ZSWIM5: variants seen among roughly 807,000 people sequenced by gnomAD.
The protein encoded by ZSWIM5 is zinc finger SWIM domain-containing protein 5.
ZSWIM5 carries 55 observed loss-of-function variants against 119.6 expected under a neutral mutation model. The observed-to-expected ratio is 0.46, with a 90% CI of 0.37 to 0.58. ZSWIM5 has a LOEUF of 0.58. Among genes scored for constraint, ZSWIM5 ranks in the 20% least tolerant of loss-of-function variants. The pLI, the probability that ZSWIM5 is intolerant of heterozygous loss-of-function variation, is 0.00. For synonymous variants in ZSWIM5, 537 were observed against 606.9 expected, an observed-to-expected ratio of 0.88 and a Z score of 1.69; for missense variants, 1,193 against 1,512.8, an observed-to-expected ratio of 0.79 and a Z score of 3.51.
chr1:45,118,239 A>C (rs916686686), intron 1 of ZSWIM5, among the ~76,000 whole-genome samples: 4 of 152,266 alleles, frequency 2.6e-5, no homozygotes, highest in Admixed American at 2.6e-4. Context: ...GACAATCATT[A>C]AGAAATAAAC....
intron 1 of ZSWIM5, among the ~76,000 whole-genome samples, chr1:45,154,891 C>T (rs1477531927): frequency 6.6e-6 from 1 of 151,832 alleles, no homozygotes; most frequent in East Asian, 1.9e-4. Context: ...TAAAAAAATA[C>T]AAAAAACCTC....
In ZSWIM5 at chr1:45,018,989, T is replaced by C. The variant is rs1270405173; in HGVS notation, c.3023A>G (p.Glu1008Gly). 1 of 1,614,128 alleles carries C rather than the reference T, an allele frequency of 6.2e-7. No individual in the cohort carries two copies. Reference sequence around the variant, plus strand: ...GGCACGTAGCGGGTAGCCACGGAGCTCCATGTAGCGGGCGATGGTGAACAG... The same window carrying C: ...GGCACGTAGCGGGTAGCCACGGAGCCCCATGTAGCGGGCGATGGTGAACAG... Reference protein sequence around the residue: ...SQLFTIARYMELRGYPLRAFK... With the variant: ...SQLFTIARYMGLRGYPLRAFK... The change falls in exon 14 of 14, where the codon GAG (glutamate) becomes GGG (glycine). Residue 1008 changes from glutamate (E) to glycine (G), a missense_variant. Coordinates refer to ENST00000359600, the MANE Select transcript of ZSWIM5 (RefSeq NM_020883.2). This position sits in a 1 kb window ranked among gnomAD's most constrained non-coding sequence, Gnocchi z 6.7.
intron 1 of ZSWIM5, among the ~76,000 whole-genome samples, chr1:45,197,660 G>T: frequency 6.6e-6 from 1 of 152,182 alleles, no homozygotes; most frequent in East Asian, 1.9e-4. Flanking sequence ...AAAAGTTTGT[G>T]AAGTTTGTGG....
intron 9 of ZSWIM5, 63 bp downstream of exon 9, chr1:45,035,976 T>C: frequency 6.3e-7 from 1 of 1,583,936 alleles, no homozygotes; most frequent in South Asian, 1.2e-5. Context: ...TGTACTCTAT[T>C]GGAGAGGGGA....
intron 1 of ZSWIM5, among the ~76,000 whole-genome samples, chr1:45,168,291 AGG>A (rs1050722476): frequency 6.1e-4 from 93 of 151,928 alleles, no homozygotes; most frequent in African/African-American, 2.2e-3. Context: ...ACTTGGACAC[AGG>A]GTTGGGAACA....
chr1:45,080,221 C>A (rs923018988), intron 2 of ZSWIM5, among the ~76,000 whole-genome samples: 2 of 152,154 alleles, frequency 1.3e-5, no homozygotes, highest in Admixed American at 1.3e-4. Context: ...GCAGTCCTTG[C>A]GGCCTAGACT....
chr1:45,036,136 G>A lies in ZSWIM5; in HGVS notation c.2058C>T (p.Cys686=). The A allele has an allele frequency of 6.2e-7, 1 of 1,614,054 alleles. No individual in the cohort carries two copies. Among genetic ancestry groups the A allele is most frequent in the Non-Finnish European group, 8.5e-7 (1 of 1,180,018 alleles). The part of the protein sequence containing the change: ...PEGLYAQDKV[C]RNEEQLLSQL... ...GGCTCAGGAGCTGCTCCTCATTACG[G>A]CATACCTTGTCCTGTGCGTAGAGGC... The change falls in exon 9 of 14, where the codon TGC becomes TGT. Residue 686 remains cysteine (C), a synonymous_variant. Coordinates refer to ENST00000359600, the MANE Select transcript of ZSWIM5 (RefSeq NM_020883.2).
chr1:45,142,554 C>T (rs1482908563), intron 1 of ZSWIM5, among the ~76,000 whole-genome samples: 2 of 151,850 alleles, frequency 1.3e-5, no homozygotes, highest in African/African-American at 4.8e-5. Context: ...AGTTTTGCCA[C>T]ATTGCCCAGG....
intron 2 of ZSWIM5, among the ~76,000 whole-genome samples, chr1:45,085,813 G>A (rs1325792528): frequency 6.6e-6 from 1 of 152,122 alleles, no homozygotes; most frequent in Non-Finnish European, 1.5e-5. Flanking sequence ...CAAGTCTCTA[G>A]GAAGCTCCAA....
chr1:45,194,513 A>G (rs1646110616), intron 1 of ZSWIM5, among the ~76,000 whole-genome samples: 1 of 152,094 alleles, frequency 6.6e-6, no homozygotes, highest in African/African-American at 2.4e-5. Flanking sequence ...TACTAATATT[A>G]CCCCTTTGGA....
At chr1:45,129,376 C>G (rs1051151022) in intron 1 of ZSWIM5, among the ~76,000 whole-genome samples, 1 of 151,968 alleles carries the variant, frequency 6.6e-6, no homozygotes, top group African/African-American at 2.4e-5. Flanking sequence ...CCAGGATGGT[C>G]TCGATATCCT....
At chr1:45,144,440 C>T (rs1340121436) in intron 1 of ZSWIM5, among the ~76,000 whole-genome samples, 1 of 151,870 alleles carries the variant, frequency 6.6e-6, no homozygotes, top group Non-Finnish European at 1.5e-5. Flanking sequence ...GAGGTTGAGA[C>T]AGGAGGTTTG....
intron 1 of ZSWIM5, among the ~76,000 whole-genome samples, chr1:45,172,188 G>A (rs1264646858): frequency 6.6e-6 from 1 of 151,968 alleles, no homozygotes; most frequent in Non-Finnish European, 1.5e-5. Flanking sequence ...TCACGGTTGC[G>A]AAACTAAACA....
chr1:45,028,270 T>A (rs1478816789), intron 11 of ZSWIM5, among the ~76,000 whole-genome samples: 1 of 152,248 alleles, frequency 6.6e-6, no homozygotes, highest in African/African-American at 2.4e-5. Flanking sequence ...TAGCTAAGAA[T>A]CCATTGGCTT....
chr1:45,142,648 G>T (rs1354652623), intron 1 of ZSWIM5, among the ~76,000 whole-genome samples: 1 of 152,000 alleles, frequency 6.6e-6, no homozygotes, highest in African/African-American at 2.4e-5. Context: ...ATTTACAAGA[G>T]AAATTGAATA....
At chr1:45,162,505 C>A (rs944491409) in intron 1 of ZSWIM5, among the ~76,000 whole-genome samples, 4 of 152,232 alleles carry the variant, frequency 2.6e-5, no homozygotes, top group African/African-American at 9.6e-5. Flanking sequence ...GGACCATAAG[C>A]CAAAGCAGGG....
intron 1 of ZSWIM5, among the ~76,000 whole-genome samples, chr1:45,132,014 A>G (rs1007050027): frequency 6.0e-5 from 9 of 150,710 alleles, no homozygotes; most frequent in African/African-American, 2.2e-4. Flanking sequence ...TAAGGAGTTG[A>G]TCAGGTATTC....
chr1:45,077,289 C>T (rs559805772), intron 2 of ZSWIM5, among the ~76,000 whole-genome samples: 6 of 152,186 alleles, frequency 3.9e-5, no homozygotes, highest in African/African-American at 9.6e-5. Flanking sequence ...TTTTCCTAAG[C>T]GTCGGCTGGC....
rs1645130034 is a variant in ZSWIM5 at position 45,057,515 on chromosome 1, G to C, written c.1252+1094C>G. On this transcript the variant is annotated intron_variant, in intron 4 of 13. Transcript: ENST00000359600. This position sits in a 1 kb window ranked among gnomAD's most constrained non-coding sequence, Gnocchi z 4.7. ...CAGAAATTAAGACATTCAGGCCTCA[G>C]ATGAAACTGACTCTCCCAAGGCTAA... Among the ~76,000 whole-genome samples the C allele has an allele frequency of 6.6e-6, 1 of 152,196 alleles. No homozygotes were observed. Among genetic ancestry groups the C allele is most frequent in the South Asian group, 2.1e-4 (1 of 4,824 alleles).
Sources: allele counts gnomAD v4.1 joint callset (sites outside exome capture counted in the v4.1 genomes callset), GRCh38; gene constraint gnomAD v4.1.1; non-coding constraint Gnocchi (gnomAD v3.1); transcripts MANE v1.5; gene names NCBI Gene and HGNC (gene_info 2026-07-23, HGNC 2026-07-21).